The following CAST variants were observed in gnomAD, a reference collection of about 807,000 sequenced individuals.
CAST encodes the protein MIR583 host.
A neutral mutation model predicts 119.6 loss-of-function variants in CAST; 76 were observed. The observed-to-expected ratio is 0.64, with a 90% CI of 0.53 to 0.77. The LOEUF is 0.77. CAST is among the 30% of genes least tolerant of loss of function. The pLI, the probability that CAST is intolerant of heterozygous loss-of-function variation, is 0.00. For synonymous variants in CAST, 319 were observed against 331.6 expected (o/e 0.96, Z 0.41); for missense variants, 953 against 946.5 (o/e 1.01, Z -0.09).
chr5:96,461,703 AT>A, the CAST span, among the ~76,000 whole-genome samples: 29 of 152,066 alleles, frequency 1.9e-4, no homozygotes, highest in African/African-American at 6.5e-4. Flanking sequence ...TTAATAATAT[AT>A]TTTTTACCTT....
At chr5:96,021,846 A>G in the CAST span, among the ~76,000 whole-genome samples, 1 of 152,334 alleles carries the variant, frequency 6.6e-6, no homozygotes, top group East Asian at 1.9e-4. Flanking sequence ...CTCATTTTAA[A>G]TTAACTTAAG....
At chr5:96,027,875 C>T in the CAST span, among the ~76,000 whole-genome samples, 5 of 152,002 alleles carry the variant, frequency 3.3e-5, no homozygotes, top group Admixed American at 2.6e-4. Context: ...AAAGCAACTG[C>T]GACCTGCCTG....
chr5:96,621,168 G>A (rs1053440704), intron 1 of CAST, among the ~76,000 whole-genome samples: 1 of 152,296 alleles, frequency 6.6e-6, no homozygotes, highest in South Asian at 2.1e-4. Flanking sequence ...GTAAGTGTCT[G>A]CATTTTAAAT....
At chr5:96,009,960 G>T in the CAST span, among the ~76,000 whole-genome samples, 1 of 152,114 alleles carries the variant, frequency 6.6e-6, no homozygotes, top group African/African-American at 2.4e-5. Context: ...GTCTTGAGCT[G>T]ATTTTTGTAT....
the CAST span, among the ~76,000 whole-genome samples, chr5:96,346,447 G>T: frequency 1.8e-4 from 28 of 152,114 alleles, no homozygotes; most frequent in Admixed American, 1.8e-3. Context: ...TGTAATTGAA[G>T]CCTGTCTTAG....
chr5:96,173,093 T>C, the CAST span, among the ~76,000 whole-genome samples: 270 of 152,342 alleles, frequency 1.8e-3, 2 homozygotes, highest in Non-Finnish European at 2.0e-3. Context: ...CTGGCATAGA[T>C]ACCGACTGGC....
chr5:96,768,354 G>T lies in CAST; in HGVS notation c.2268+355G>T, dbSNP rs189073556. The T allele has an allele frequency of 3.8e-3, 1,707 of 446,680 alleles. 9 individuals carry two copies. Among genetic ancestry groups the T allele is most frequent in the Middle Eastern group, 0.01 (31 of 2,996 alleles). 27.7% of individuals were successfully genotyped at this position (446,680 alleles called of 1,614,324 possible). A position where few individuals can be genotyped will look rare whatever the true frequency, so the allele number is the denominator to read the frequency against. ...CAACCTCTACCTCCCAAAGTACTGG[G>T]ATTACAGGCTTGAGCCACTGCGCCT... On this transcript the variant is annotated intron_variant, in intron 29 of 31. Transcript: ENST00000675179.
the CAST span, among the ~76,000 whole-genome samples, chr5:96,275,300 CT>C: frequency 6.6e-6 from 1 of 152,162 alleles, no homozygotes; most frequent in African/African-American, 2.4e-5. Context: ...TACTAAAGAG[CT>C]TGTATTAGTC....
the CAST span, chr5:96,394,730 T>A: frequency 1.5e-5 from 12 of 793,382 alleles, no homozygotes; most frequent in Admixed American, 1.8e-5. Context: ...AAAAGAATAG[T>A]TTACCACTAT....
At chr5:96,692,484 T>C (rs1420618755) in intron 2 of CAST, among the ~76,000 whole-genome samples, 1 of 152,178 alleles carries the variant, frequency 6.6e-6, no homozygotes, top group East Asian at 1.9e-4. Flanking sequence ...GCATTTTGTT[T>C]CATCTCATAC....
At chr5:96,262,894 T>C in the CAST span, among the ~76,000 whole-genome samples, 1 of 152,136 alleles carries the variant, frequency 6.6e-6, no homozygotes, top group Non-Finnish European at 1.5e-5. Context: ...CTTGCTCAAC[T>C]GGTTTTTCTC....
At chr5:96,612,273 C>T (rs1418961180) in intron 1 of CAST, among the ~76,000 whole-genome samples, 1 of 152,160 alleles carries the variant, frequency 6.6e-6, no homozygotes, top group African/African-American at 2.4e-5. Flanking sequence ...AAATCATGTC[C>T]TTTGCAGCAA....
At chr5:96,490,356 G>GTGTC in the CAST span, among the ~76,000 whole-genome samples, 3 of 124,638 alleles carry the variant, frequency 2.4e-5, no homozygotes, top group African/African-American at 1.5e-4. Context: ...GTGTGTGTCT[G>GTGTC]TGTGTGTGTG....
rs148815937 is a variant in CAST at position 96,763,212 on chromosome 5, G to A, written c.1932+840G>A. On this transcript the variant is annotated intron_variant, in intron 25 of 31. Coordinates refer to ENST00000675179, the MANE Select transcript of CAST (RefSeq NM_001750.7). ...TTCTGATGGATTTTCATCCTGTTGC[G>A]TCAGCTTCAGGATCATCTGAAAATA... 57 of 780,576 alleles carry A rather than the reference G, an allele frequency of 7.3e-5. No individual in the cohort carries two copies. The African/African-American group carries it at 7.4e-4, about 10-fold the overall frequency. The allele number at this position is 780,576 out of a possible 1,614,324, so 48.4% of individuals were successfully genotyped here.
chr5:96,044,699 A>T, the CAST span, among the ~76,000 whole-genome samples: 1 of 152,276 alleles, frequency 6.6e-6, no homozygotes, highest in East Asian at 1.9e-4. Flanking sequence ...CCAAACTGGG[A>T]ACTACTTACC....
At chr5:96,300,318 G>A in the CAST span, among the ~76,000 whole-genome samples, 1 of 151,930 alleles carries the variant, frequency 6.6e-6, no homozygotes, top group South Asian at 2.1e-4. Context: ...TTTTTTATAT[G>A]AATATCCAGT....
the CAST span, among the ~76,000 whole-genome samples, chr5:96,495,513 C>T: frequency 2.6e-5 from 4 of 152,224 alleles, no homozygotes; most frequent in Admixed American, 1.3e-4. Flanking sequence ...TGAAAACATG[C>T]GGTGTTTGGT....
intron 1 of CAST, among the ~76,000 whole-genome samples, chr5:96,635,547 A>G (rs1317916655): frequency 6.6e-6 from 1 of 152,232 alleles, no homozygotes; most frequent in African/African-American, 2.4e-5. Flanking sequence ...GTTTCTAGCT[A>G]TATAGATGTA....
the CAST span, among the ~76,000 whole-genome samples, chr5:96,114,320 C>T: frequency 6.6e-6 from 1 of 152,128 alleles, no homozygotes; most frequent in African/African-American, 2.4e-5. Flanking sequence ...GTCCTCTTAT[C>T]CCTCCAACCC....
Sources: allele counts gnomAD v4.1 joint callset (sites outside exome capture counted in the v4.1 genomes callset), GRCh38; gene constraint gnomAD v4.1.1; transcripts MANE v1.5; gene names NCBI Gene and HGNC (gene_info 2026-07-23, HGNC 2026-07-21).